The following DOCK4 variants were observed in gnomAD, a reference collection of about 807,000 sequenced individuals.
DOCK4 encodes dedicator of cytokinesis protein 4.
In DOCK4, 97 loss-of-function variants were observed where a neutral mutation model predicts 268.1. That is an observed-to-expected ratio of 0.36 (90% confidence interval 0.31 to 0.43). The LOEUF (loss-of-function observed/expected upper bound fraction) is 0.43. Among genes scored for constraint, DOCK4 ranks in the 20% least tolerant of loss-of-function variants. DOCK4 has a pLI of 1.00. For synonymous variants in DOCK4, 954 were observed against 887.2 expected, an observed-to-expected ratio of 1.08 and a Z score of -1.34; for missense variants, 2,145 against 2,455.7, an observed-to-expected ratio of 0.87 and a Z score of 2.67.
At chr7:111,930,716 TCCCCCA>T (rs1794130762) in intron 12 of DOCK4, among the ~76,000 whole-genome samples, 1 of 152,162 alleles carries the variant, frequency 6.6e-6, no homozygotes, top group Admixed American at 6.6e-5. Flanking sequence ...TGCTCTTGCT[TCCCCCA>T]CTATCTTGAG....
At chr7:112,200,739 C>CAAAAAAAAAAAAAAAAAAAAAAAAAAA (rs71689051) in intron 1 of DOCK4, among the ~76,000 whole-genome samples, 1 of 129,048 alleles carries the variant, frequency 7.7e-6, no homozygotes. Flanking sequence ...AAAAAAAAAA[C>CAAAAAAAAAAAAAAAAAAAAAAAAAAA]AAAAAAAAAC....
intron 23 of DOCK4, among the ~76,000 whole-genome samples, chr7:111,855,042 T>C (rs1804886579): frequency 6.6e-6 from 1 of 152,146 alleles, no homozygotes. Flanking sequence ...ATTAACTCTG[T>C]TGGGCAGGAG....
At chr7:111,739,089 C>T (rs878987083) in intron 49 of DOCK4, 45 bp downstream of exon 49, 2 of 1,544,932 alleles carry the variant, frequency 1.3e-6, no homozygotes, top group South Asian at 2.2e-5. Context: ...TAAGCAATTC[C>T]AGAATTGTCC....
intron 2 of DOCK4, 131 bp downstream of exon 2, chr7:112,003,916 AG>A (rs1800641636): frequency 1.8e-6 from 1 of 564,804 alleles, no homozygotes; most frequent in African/African-American, 1.9e-5. Flanking sequence ...CTGAAAATGC[AG>A]GAAACAATTT....
At chr7:112,067,242 TA>T (rs76863833) in intron 1 of DOCK4, among the ~76,000 whole-genome samples, 7,080 of 136,030 alleles carry the variant, frequency 0.052, 484 homozygotes, top group African/African-American at 0.16. Context: ...CACCTTTACT[TA>T]AAAAAAAAAA....
intron 8 of DOCK4, among the ~76,000 whole-genome samples, chr7:111,950,706 A>G (rs540105053): frequency 1.3e-5 from 2 of 152,330 alleles, no homozygotes; most frequent in Non-Finnish European, 2.9e-5. Flanking sequence ...AAACTCTGCA[A>G]AAAGATATTT....
rs1052262609 is a variant in DOCK4, at chr7:111,750,625, C to T, written c.4417-3182G>A. On this transcript the variant is annotated intron_variant, in intron 42 of 52. Coordinates refer to ENST00000428084, the MANE Select transcript of DOCK4 (RefSeq NM_001363540.2). ...ACGATGTGTAATGTCTCAGAAATCTCGCTGCTTTATCTGAGCATCCTGCCT... is the reference window on the plus strand; with the variant it reads ...ACGATGTGTAATGTCTCAGAAATCTTGCTGCTTTATCTGAGCATCCTGCCT... Among the ~76,000 whole-genome samples, 14 of 152,122 alleles carry T rather than the reference C, an allele frequency of 9.2e-5. 1 individual carries two copies. The highest frequency in any genetic ancestry group is 2.7e-4 in the African/African-American group (11 of 41,428).
chr7:111,759,080 G>A (rs1377915472), intron 40 of DOCK4, among the ~76,000 whole-genome samples: 2 of 152,186 alleles, frequency 1.3e-5, no homozygotes, highest in Non-Finnish European at 2.9e-5. Context: ...TTGTGTGTGT[G>A]TATGTGTGTG....
chr7:112,184,615 C>T (rs1012094067), intron 1 of DOCK4, among the ~76,000 whole-genome samples: 83 of 152,154 alleles, frequency 5.5e-4, no homozygotes, highest in Admixed American at 2.9e-3. Flanking sequence ...TCATAAAAAC[C>T]CCGGCCCTTG....
chr7:111,933,298 A>ATAT (rs1554380830), intron 12 of DOCK4, among the ~76,000 whole-genome samples: 979 of 74,826 alleles, frequency 0.013, 86 homozygotes, highest in South Asian at 0.024. Flanking sequence ...ATATATATAT[A>ATAT]TTTTTTTTTT....
intron 1 of DOCK4, among the ~76,000 whole-genome samples, chr7:112,144,073 T>C (rs1815195645): frequency 1.3e-5 from 2 of 152,158 alleles, no homozygotes; most frequent in Admixed American, 1.3e-4. Context: ...CTACAATCTT[T>C]TGGGGGACTC....
intron 1 of DOCK4, among the ~76,000 whole-genome samples, chr7:112,107,783 T>G (rs566515848): frequency 1.3e-5 from 2 of 152,284 alleles, no homozygotes; most frequent in Middle Eastern, 3.4e-3. Context: ...ATGACCAAGA[T>G]CCTCAGGTAG....
At chr7:111,879,304 C>G (rs1807178987) in intron 16 of DOCK4, among the ~76,000 whole-genome samples, 1 of 152,032 alleles carries the variant, frequency 6.6e-6, no homozygotes, top group African/African-American at 2.4e-5. Flanking sequence ...CCCTTGGGCC[C>G]TAAATAACCA....
chr7:111,746,801 A>G (rs1448653634), intron 43 of DOCK4, among the ~76,000 whole-genome samples: 9 of 145,810 alleles, frequency 6.2e-5, no homozygotes, highest in African/African-American at 1.5e-4. Context: ...CATCTAAGCA[A>G]GATCGGTCTT....
At chr7:112,159,669 C>G (rs984911135) in intron 1 of DOCK4, among the ~76,000 whole-genome samples, 1 of 151,978 alleles carries the variant, frequency 6.6e-6, no homozygotes, top group African/African-American at 2.4e-5. Flanking sequence ...CCTCCTACCC[C>G]AGACGCTTTC....
intron 1 of DOCK4, among the ~76,000 whole-genome samples, chr7:112,116,132 C>G (rs1812140468): frequency 6.6e-6 from 1 of 152,186 alleles, no homozygotes; most frequent in East Asian, 1.9e-4. Flanking sequence ...CAAATGGAAA[C>G]CCCATACCCA....
At chr7:111,970,873 A>G (rs1797657660) in intron 8 of DOCK4, among the ~76,000 whole-genome samples, 1 of 152,178 alleles carries the variant, frequency 6.6e-6, no homozygotes, top group East Asian at 1.9e-4. Flanking sequence ...AGAGGTGCCC[A>G]AAACACACTT....
intron 25 of DOCK4, 56 bp from the exon 26 acceptor site, chr7:111,834,742 C>A: frequency 8.3e-7 from 1 of 1,211,582 alleles, no homozygotes; most frequent in African/African-American, 1.6e-5. Flanking sequence ...CGTAAAAGAA[C>A]ATCAGTAACT....
At chr7:111,983,738 T>C (rs1010343079) in intron 7 of DOCK4, among the ~76,000 whole-genome samples, 1 of 151,864 alleles carries the variant, frequency 6.6e-6, no homozygotes, top group Non-Finnish European at 1.5e-5. Flanking sequence ...TACTTAGGAA[T>C]GGATTGGGGT....
Sources: allele counts gnomAD v4.1 joint callset (sites outside exome capture counted in the v4.1 genomes callset), GRCh38; gene constraint gnomAD v4.1.1; transcripts MANE v1.5; gene names NCBI Gene and HGNC (gene_info 2026-07-23, HGNC 2026-07-21).